STAC: variants seen among roughly 807,000 people sequenced by gnomAD.
STAC encodes SH3 and cysteine rich domain.
Under a neutral mutation model 48.8 loss-of-function variants are expected in STAC, and 43 were observed. The observed-to-expected ratio is 0.88, with a 90% CI of 0.69 to 1.14. The LOEUF is 1.14. Ranked by LOEUF, STAC falls within the 50% of genes most tolerant of loss-of-function variation. The pLI, the probability that STAC is intolerant of heterozygous loss-of-function variation, is 0.00. For missense variants in STAC, 497 were observed against 504.0 expected (o/e 0.99, Z 0.13); for synonymous variants, 193 against 179.5 (o/e 1.07, Z -0.60).
intron 8 of STAC, among the ~76,000 whole-genome samples, chr3:36,521,819 C>G (rs915498010): frequency 6.6e-6 from 1 of 152,142 alleles, no homozygotes; most frequent in African/African-American, 2.4e-5. Flanking sequence ...TGAGGCCAGG[C>G]ATGGTGGCTC....
chr3:36,393,172 T>C (rs940481272), intron 1 of STAC, among the ~76,000 whole-genome samples: 2 of 152,210 alleles, frequency 1.3e-5, no homozygotes, highest in African/African-American at 2.4e-5. Flanking sequence ...CACCAGAGCA[T>C]AAAATCCATT....
intron 1 of STAC, among the ~76,000 whole-genome samples, chr3:36,406,587 A>G (rs1700092341): frequency 6.6e-6 from 1 of 152,200 alleles, no homozygotes; most frequent in African/African-American, 2.4e-5. Context: ...CTCTGCACTT[A>G]CCAGCATGTG....
At chr3:36,422,214 G>A (rs1181512540) in intron 1 of STAC, among the ~76,000 whole-genome samples, 3 of 152,014 alleles carry the variant, frequency 2.0e-5, no homozygotes, top group Non-Finnish European at 4.4e-5. Flanking sequence ...TATTCATATG[G>A]ATGTTTTAAG....
At chr3:36,522,428 C>T (rs1230291466) in intron 8 of STAC, among the ~76,000 whole-genome samples, 1 of 152,188 alleles carries the variant, frequency 6.6e-6, no homozygotes, top group Non-Finnish European at 1.5e-5. Flanking sequence ...GTCATTTAGT[C>T]CTCAAAAAAT....
intron 2 of STAC, among the ~76,000 whole-genome samples, chr3:36,467,029 C>T (rs55934457): frequency 0.032 from 4,790 of 151,868 alleles, 229 homozygotes; most frequent in African/African-American, 0.11. Flanking sequence ...TCTATGCTTA[C>T]TTTGCTGAGG....
intron 1 of STAC, among the ~76,000 whole-genome samples, chr3:36,424,001 G>A (rs1559485818): frequency 6.6e-6 from 1 of 151,946 alleles, no homozygotes; most frequent in Non-Finnish European, 1.5e-5. Context: ...GAATATAATG[G>A]ATCTGTTCAT....
At chr3:36,449,101 G>A (rs1428712096) in intron 2 of STAC, among the ~76,000 whole-genome samples, 6 of 152,020 alleles carry the variant, frequency 3.9e-5, no homozygotes, top group Admixed American at 6.5e-5. Flanking sequence ...CCTGGGCAAC[G>A]GAGTGAGACT....
chr3:36,500,210 A>G (rs1698250090), intron 6 of STAC, among the ~76,000 whole-genome samples: 1 of 152,220 alleles, frequency 6.6e-6, no homozygotes, highest in Non-Finnish European at 1.5e-5. Flanking sequence ...TAGAAGATGC[A>G]CATTCCTTTT....
intron 1 of STAC, among the ~76,000 whole-genome samples, chr3:36,406,346 T>A (rs73059904): frequency 0.023 from 3,534 of 152,326 alleles, 59 homozygotes; most frequent in East Asian, 0.026. Context: ...GGCCTTGGTC[T>A]ATTGCATGAG....
intron 10 of STAC, among the ~76,000 whole-genome samples, chr3:36,533,481 T>TG (rs1421687271): frequency 1.0e-5 from 1 of 97,728 alleles, no homozygotes; most frequent in Non-Finnish European, 1.9e-5. Flanking sequence ...GCATGTTTTT[T>TG]TTTTTTTTTT....
Position 36,546,477 on chromosome 3 carries a change from C to G in STAC, c.*188C>G, listed in dbSNP as rs1699450135. 2 of 584,856 alleles carry G rather than the reference C, an allele frequency of 3.4e-6. No homozygotes were observed. The highest frequency in any genetic ancestry group is 3.0e-6 in the Non-Finnish European group (1 of 330,112). The allele number at this position is 584,856 out of a possible 1,614,324, so 36.2% of individuals were successfully genotyped here. A position where few individuals can be genotyped will look rare whatever the true frequency, so the allele number is the denominator to read the frequency against. On this transcript the variant is annotated 3_prime_UTR_variant, in exon 11 of 11. Transcript: ENST00000273183. Reference sequence around the variant, plus strand: ...CAGAGGGCCCACTGCACAGCATATCCAGGCTGCCACAGGTGGGGACGAGGC... The same window carrying G: ...CAGAGGGCCCACTGCACAGCATATCGAGGCTGCCACAGGTGGGGACGAGGC...
intron 6 of STAC, among the ~76,000 whole-genome samples, chr3:36,493,470 A>G (rs911333637): frequency 1.4e-5 from 2 of 145,798 alleles, no homozygotes; most frequent in Non-Finnish European, 3.0e-5. Context: ...ATTTACTCTT[A>G]TGAGAGTATA....
intron 1 of STAC, among the ~76,000 whole-genome samples, chr3:36,420,990 A>T (rs12630622): frequency 0.2 from 30,853 of 152,054 alleles, 3,284 homozygotes; most frequent in Admixed American, 0.23. Flanking sequence ...TGCTTTAAAA[A>T]TATGTAGGTT....
At chr3:36,505,131 C>A (rs1178936640) in intron 7 of STAC, among the ~76,000 whole-genome samples, 1 of 152,022 alleles carries the variant, frequency 6.6e-6, no homozygotes, top group Non-Finnish European at 1.5e-5. Context: ...TATGCTAATG[C>A]ATGTAACATA....
At chr3:36,418,791 T>C (rs1297267234) in intron 1 of STAC, among the ~76,000 whole-genome samples, 2 of 152,156 alleles carry the variant, frequency 1.3e-5, no homozygotes, top group African/African-American at 4.8e-5. Flanking sequence ...CTCACGCCTG[T>C]AATCCCAGCA....
intron 2 of STAC, among the ~76,000 whole-genome samples, chr3:36,481,196 TA>T (rs1454242200): frequency 1.3e-5 from 2 of 152,170 alleles, no homozygotes; most frequent in Non-Finnish European, 2.9e-5. Flanking sequence ...CAAGGAACTA[TA>T]AGAAGACCAC....
At chr3:36,498,284 G>C (rs923875401) in intron 6 of STAC, among the ~76,000 whole-genome samples, 26 of 152,128 alleles carry the variant, frequency 1.7e-4, no homozygotes, top group Non-Finnish European at 3.2e-4. Context: ...AAATTTGATT[G>C]ATGGGTTTAA....
At chr3:36,402,866 C>T (rs1022736846) in intron 1 of STAC, among the ~76,000 whole-genome samples, 1 of 151,522 alleles carries the variant, frequency 6.6e-6, no homozygotes, top group Non-Finnish European at 1.5e-5. Flanking sequence ...GAATTATCTA[C>T]TCAGAGTCTT....
At chr3:36,484,934 C>A in intron 3 of STAC, 43 bp from the exon 4 acceptor site, 1 of 1,501,322 alleles carries the variant, frequency 6.7e-7, no homozygotes, top group Non-Finnish European at 9.0e-7. Flanking sequence ...TTTTCTCCAT[C>A]TCCAGTGACA....
Sources: allele counts gnomAD v4.1 joint callset (sites outside exome capture counted in the v4.1 genomes callset), GRCh38; gene constraint gnomAD v4.1.1; transcripts MANE v1.5; gene names NCBI Gene and HGNC (gene_info 2026-07-23, HGNC 2026-07-21).